ITGA9: variants seen among roughly 807,000 people sequenced by gnomAD.
The protein encoded by ITGA9 is integrin alpha-9.
A neutral mutation model predicts 127.8 loss-of-function variants in ITGA9; 56 were observed. The ratio of observed to expected loss-of-function variants is 0.44; its 90% CI spans 0.35 to 0.55. The LOEUF is 0.55. ITGA9 is among the 20% of genes least tolerant of loss of function. The probability of loss-of-function intolerance (pLI) is 0.00; values close to 1 mark genes in which losing one functional copy is unlikely to be tolerated. For missense variants in ITGA9, 1,196 were observed against 1,347.1 expected (o/e 0.89, Z 1.76); for synonymous variants, 508 against 514.5 (o/e 0.99, Z 0.17).
chr3:37,531,046 C>T (rs187199807), intron 13 of ITGA9, among the ~76,000 whole-genome samples: 265 of 152,104 alleles, frequency 1.7e-3, no homozygotes, highest in Middle Eastern at 6.8e-3. Flanking sequence ...CCACCGCGCC[C>T]GGCCGCTACC....
intron 3 of ITGA9, among the ~76,000 whole-genome samples, chr3:37,478,069 G>C (rs755879710): frequency 5.3e-5 from 8 of 152,114 alleles, no homozygotes; most frequent in Non-Finnish European, 1.2e-4. Context: ...TTCATTAGGT[G>C]AACGTCCTCA....
chr3:37,548,237 G>A (rs532590733), intron 15 of ITGA9, among the ~76,000 whole-genome samples: 2 of 152,248 alleles, frequency 1.3e-5, no homozygotes, highest in African/African-American at 4.8e-5. Flanking sequence ...TTTATATGAC[G>A]TTCTGGAAAA....
At chr3:37,636,409 T>G (rs1035198504) in intron 16 of ITGA9, among the ~76,000 whole-genome samples, 1 of 152,276 alleles carries the variant, frequency 6.6e-6, no homozygotes, top group Non-Finnish European at 1.5e-5. Flanking sequence ...TTCATGTGTT[T>G]TTTGGCTGCA....
chr3:37,774,272 C>T (rs759871997), intron 23 of ITGA9, among the ~76,000 whole-genome samples: 2 of 152,158 alleles, frequency 1.3e-5, no homozygotes, highest in Non-Finnish European at 2.9e-5. Context: ...GAATAATTAC[C>T]AAATCTTCAT....
chr3:37,453,854 G>A (rs969996154), intron 1 of ITGA9, among the ~76,000 whole-genome samples: 1 of 152,194 alleles, frequency 6.6e-6, no homozygotes, highest in Middle Eastern at 3.2e-3. Flanking sequence ...CAGCCTTCAA[G>A]AGAACCAGTT....
At chr3:37,684,529 G>A (rs561760906) in intron 18 of ITGA9, among the ~76,000 whole-genome samples, 1 of 152,322 alleles carries the variant, frequency 6.6e-6, no homozygotes, top group South Asian at 2.1e-4. Flanking sequence ...AGGCTGGAGT[G>A]CAGTGCCACA....
At chr3:37,465,737 AC>A (rs1698363058) in intron 1 of ITGA9, among the ~76,000 whole-genome samples, 1 of 152,014 alleles carries the variant, frequency 6.6e-6, no homozygotes. Context: ...TCTCTTCCAA[AC>A]CCCAGCATGC....
chr3:37,488,823 ATAAAT>A (rs1043500769), intron 4 of ITGA9, among the ~76,000 whole-genome samples: 1 of 152,144 alleles, frequency 6.6e-6, no homozygotes, highest in Non-Finnish European at 1.5e-5. Flanking sequence ...ATTGTAAAAA[ATAAAT>A]AACATAAAAA....
At position 37,683,967 on chromosome 3, in the gene ITGA9, G is replaced by A; in HGVS notation, c.2019G>A (p.Val673=). 1.2e-6 allele frequency: 2 copies of A among 1,613,980 alleles called. No individual in the cohort carries two copies. The highest frequency in any genetic ancestry group is 1.7e-6 in the Non-Finnish European group (2 of 1,179,952). ...GAGATGATGCCTATGATGCCAACGT[G>A]TCCTTCAATGTTTCCCGGGAGCTCT... ...NLGDDAYDAN[V]SFNVSRELFF... The change falls in exon 18 of 28, where the codon GTG becomes GTA. Residue 673 remains valine (V), a synonymous_variant. Transcript: ENST00000264741.
chr3:37,739,291 TAA>T (rs1413520645), intron 20 of ITGA9, among the ~76,000 whole-genome samples: 1 of 152,220 alleles, frequency 6.6e-6, no homozygotes, highest in African/African-American at 2.4e-5. Flanking sequence ...TTCAATAATA[TAA>T]AAATTTCTAG....
chr3:37,603,819 C>T (rs979542572), intron 15 of ITGA9, among the ~76,000 whole-genome samples: 3 of 152,190 alleles, frequency 2.0e-5, no homozygotes, highest in African/African-American at 7.2e-5. Context: ...CAAAGGTTTC[C>T]AACCCAAGGT....
chr3:37,720,128 G>A (rs1701176096), intron 18 of ITGA9, among the ~76,000 whole-genome samples: 1 of 152,198 alleles, frequency 6.6e-6, no homozygotes, highest in Non-Finnish European at 1.5e-5. Flanking sequence ...CAGTGAGCAT[G>A]TCCAGGGACC....
At chr3:37,677,408 A>G (rs1036637297) in intron 17 of ITGA9, among the ~76,000 whole-genome samples, 3 of 152,244 alleles carry the variant, frequency 2.0e-5, no homozygotes, top group Non-Finnish European at 4.4e-5. Flanking sequence ...ATCTAGAGTC[A>G]TCTCAAATGC....
chr3:37,758,329 C>CAAAAAAAAAAAAAA (rs57505967), intron 23 of ITGA9, among the ~76,000 whole-genome samples: 12 of 65,990 alleles, frequency 1.8e-4, no homozygotes, highest in African/African-American at 7.3e-4. Context: ...GACTCCGTCT[C>CAAAAAAAAAAAAAA]AAAAAAAAAA....
rs1272354365 is a variant in ITGA9, at chr3:37,822,584, A to T, written c.*3595A>T. On this transcript the variant is annotated 3_prime_UTR_variant, in exon 28 of 28. Coordinates refer to ENST00000264741, the MANE Select transcript of ITGA9 (RefSeq NM_002207.3). ...AGAGGTATGGTAGACCTTGTAGAAG[A>T]TCCACTAGGAAGTCCTCCTTCACCA... The T allele has an allele frequency of 6.6e-6, 1 of 152,200 alleles. No homozygotes were observed. The highest frequency in any genetic ancestry group is 1.5e-5 in the Non-Finnish European group (1 of 68,042). The allele number at this position is 152,200 out of a possible 1,614,324, so 9.4% of individuals were successfully genotyped here.
At position 37,561,755 on chromosome 3, in the gene ITGA9, C is replaced by T. The variant is rs956944987; in HGVS notation, c.1689+19170C>T. ...GTGACCTTGTGCTGATCAAACTTTC[C>T]GCGTGGCTTTTTATGACACTGTAAC... On this transcript the variant is annotated intron_variant, in intron 15 of 27. Coordinates refer to ENST00000264741, the MANE Select transcript of ITGA9 (RefSeq NM_002207.3). Among the ~76,000 whole-genome samples, 13 of 152,160 alleles carry T rather than the reference C, an allele frequency of 8.5e-5. No homozygotes were observed. The East Asian group carries it at 1.2e-3, about 14-fold the overall frequency.
At chr3:37,455,792 T>C (rs981264577) in intron 1 of ITGA9, among the ~76,000 whole-genome samples, 2 of 152,140 alleles carry the variant, frequency 1.3e-5, no homozygotes, top group Non-Finnish European at 2.9e-5. Flanking sequence ...GGGAGAAGAA[T>C]GTGCTGGAAG....
At chr3:37,717,181 C>T (rs1453750440) in intron 18 of ITGA9, among the ~76,000 whole-genome samples, 1 of 152,336 alleles carries the variant, frequency 6.6e-6, no homozygotes, top group East Asian at 1.9e-4. Flanking sequence ...CAGGGCTATA[C>T]TCACATACCT....
At chr3:37,654,189 TCC>T (rs1491396504) in intron 17 of ITGA9, among the ~76,000 whole-genome samples, 24 of 94,152 alleles carry the variant, frequency 2.5e-4, no homozygotes, top group African/African-American at 7.6e-4. Flanking sequence ...CCCTCCTGCC[TCC>T]ACACACACAC....
Sources: gnomAD v4.1 joint callset for allele counts (sites outside exome capture counted in the v4.1 genomes callset) on GRCh38, gnomAD v4.1.1 for gene constraint, MANE v1.5 for transcripts, NCBI Gene and HGNC (gene_info 2026-07-23, HGNC 2026-07-21) for gene names.